Variants in GOSR1 observed in about 807,000 individuals in gnomAD.
GOSR1 encodes the protein 28 kDa Golgi SNARE protein.
A neutral mutation model predicts 35.5 loss-of-function variants in GOSR1; 21 were observed. That is an observed-to-expected ratio of 0.59 (90% CI 0.42 to 0.85). The LOEUF is 0.85. Among genes scored for constraint, GOSR1 ranks in the 40% least tolerant of loss-of-function variants. GOSR1 has a pLI of 0.00. For synonymous variants in GOSR1, 94 were observed against 106.6 expected (o/e 0.88, Z 0.73); for missense variants, 285 against 309.6 (o/e 0.92, Z 0.60).
chr17:30,523,608 C>T lies in GOSR1; in HGVS notation c.*1230C>T, dbSNP rs571910445. ...CAGCCCCCCGCCCGGCCAGCCGCCC[C>T]GTCCGGGAGGGAGGTGGGGGGCGCC... On this transcript the variant is annotated 3_prime_UTR_variant, in exon 9 of 9. Transcript: ENST00000451249. 1.1e-3 allele frequency: 167 copies of T among 156,174 alleles called. 1 individual carries two copies. The highest frequency in any genetic ancestry group is 3.6e-3 in the African/African-American group (147 of 40,660). The allele number at this position is 156,174 out of a possible 1,614,324, so 9.7% of individuals were successfully genotyped here. A position where few individuals can be genotyped will look rare whatever the true frequency, so the allele number is the denominator to read the frequency against.
chr17:30,515,691 T>C (rs532534933), intron 7 of GOSR1, among the ~76,000 whole-genome samples: 3 of 152,356 alleles, frequency 2.0e-5, no homozygotes, highest in Admixed American at 6.5e-5. Flanking sequence ...TTTAAAATCA[T>C]TGCTTGACTC....
At position 30,519,767 on chromosome 17, in the gene GOSR1, A is replaced by C. The variant is rs548089844; in HGVS notation, c.540-172A>C. The C allele has an allele frequency of 2.0e-5, 11 of 549,372 alleles. No individual in the cohort carries two copies. The South Asian group carries it at 2.7e-4, about 13-fold the overall frequency. 34.0% of individuals were successfully genotyped at this position (549,372 alleles called of 1,614,324 possible). ...ATCAGAGAACAGTGGAGTCATTTGGAAAAAGCGCAGTGGTAAAGTGGCTTC... is the reference window on the plus strand; with the variant it reads ...ATCAGAGAACAGTGGAGTCATTTGGCAAAAGCGCAGTGGTAAAGTGGCTTC... On this transcript the variant is annotated intron_variant, in intron 7 of 8. Transcript: ENST00000451249.
chr17:30,518,437 T>TAA (rs35597510), intron 7 of GOSR1, among the ~76,000 whole-genome samples: 4 of 147,808 alleles, frequency 2.7e-5, no homozygotes, highest in Non-Finnish European at 4.5e-5. Context: ...TCTCTTGATT[T>TAA]AAAAAAAAAA....
chr17:30,511,530 G>GT (rs1164978428), intron 7 of GOSR1, among the ~76,000 whole-genome samples: 4 of 106,024 alleles, frequency 3.8e-5, no homozygotes, highest in African/African-American at 9.7e-5. Context: ...ACAAACATTT[G>GT]TATTTTTTTT....
At chr17:30,512,752 G>C (rs1306682995) in intron 7 of GOSR1, among the ~76,000 whole-genome samples, 1 of 152,100 alleles carries the variant, frequency 6.6e-6, no homozygotes, top group African/African-American at 2.4e-5. Context: ...TTTACTTAAA[G>C]TTTCCCAATC....
chr17:30,510,051 C>T (rs1190595217), intron 6 of GOSR1, among the ~76,000 whole-genome samples: 1 of 152,040 alleles, frequency 6.6e-6, no homozygotes, highest in Non-Finnish European at 1.5e-5. Flanking sequence ...TTTAAGCTAA[C>T]GAAAGTGAGA....
chr17:30,490,599 T>C (rs563303431), intron 5 of GOSR1, among the ~76,000 whole-genome samples: 7 of 152,286 alleles, frequency 4.6e-5, no homozygotes, highest in Admixed American at 1.3e-4. Context: ...TATCAGTAAC[T>C]GAAGCTCCCT....
chr17:30,490,762 A>G (rs1424720197), intron 5 of GOSR1, among the ~76,000 whole-genome samples: 2 of 152,122 alleles, frequency 1.3e-5, no homozygotes, highest in East Asian at 3.8e-4. Flanking sequence ...TCAATCTATA[A>G]TTTTAAATAT....
chr17:30,502,221 G>A (rs1967236404), intron 6 of GOSR1, among the ~76,000 whole-genome samples: 1 of 152,192 alleles, frequency 6.6e-6, no homozygotes, highest in African/African-American at 2.4e-5. Context: ...AGAATGAATA[G>A]GTGAAGCACA....
At chr17:30,509,141 A>G (rs1039156170) in intron 6 of GOSR1, among the ~76,000 whole-genome samples, 7 of 152,062 alleles carry the variant, frequency 4.6e-5, no homozygotes, top group African/African-American at 1.4e-4. Context: ...ATGCCCAGCT[A>G]ATTTTTGTAT....
chr17:30,516,858 C>T (rs1967838384), intron 7 of GOSR1, among the ~76,000 whole-genome samples: 3 of 152,102 alleles, frequency 2.0e-5, no homozygotes, highest in Admixed American at 6.5e-5. Context: ...GGATTACAGG[C>T]GCTCACCACC....
intron 7 of GOSR1, among the ~76,000 whole-genome samples, chr17:30,518,406 A>G (rs1967897862): frequency 6.6e-6 from 1 of 150,540 alleles, no homozygotes; most frequent in Non-Finnish European, 1.5e-5. Flanking sequence ...TACTCTCACC[A>G]TCATCTTCCC....
At chr17:30,519,186 G>T (rs1012821560) in intron 7 of GOSR1, among the ~76,000 whole-genome samples, 1 of 151,798 alleles carries the variant, frequency 6.6e-6, no homozygotes. Flanking sequence ...TCAGCCTCCC[G>T]AGTAGCTGGG....
chr17:30,484,816 G>A (rs1597758396), intron 4 of GOSR1, 46 bp downstream of exon 4: 1 of 818,966 alleles, frequency 1.2e-6, no homozygotes. Flanking sequence ...AGGAGTTTGG[G>A]TTTTTTTTTT....
chr17:30,521,924 C>CA (rs1238638828), intron 8 of GOSR1, among the ~76,000 whole-genome samples: 3 of 152,130 alleles, frequency 2.0e-5, no homozygotes, highest in Non-Finnish European at 4.4e-5. Flanking sequence ...CATTCCTGGC[C>CA]ACGCTGGCTC....
chr17:30,483,857 A>T (rs960536138), intron 2 of GOSR1, among the ~76,000 whole-genome samples: 2 of 152,258 alleles, frequency 1.3e-5, no homozygotes. Context: ...GGATGATTGC[A>T]TACTGTAAGT....
intron 7 of GOSR1, 72 bp from the exon 8 acceptor site, chr17:30,519,867 C>T: frequency 1.1e-6 from 1 of 914,644 alleles, no homozygotes; most frequent in Non-Finnish European, 1.8e-6. Context: ...TTTTCTTTCA[C>T]TTTTAAAGGC....
At chr17:30,512,780 C>T (rs1044560657) in intron 7 of GOSR1, among the ~76,000 whole-genome samples, 10 of 151,812 alleles carry the variant, frequency 6.6e-5, no homozygotes, top group Non-Finnish European at 1.5e-4. Flanking sequence ...TTCTTTTTTC[C>T]TTTATTTCCC....
chr17:30,515,206 C>T (rs1316251920), intron 7 of GOSR1, among the ~76,000 whole-genome samples: 3 of 152,086 alleles, frequency 2.0e-5, no homozygotes, highest in African/African-American at 7.2e-5. Flanking sequence ...TGGCTTACTG[C>T]AGCCTTGACC....
Sources: gnomAD v4.1 joint callset for allele counts (sites outside exome capture counted in the v4.1 genomes callset) on GRCh38, gnomAD v4.1.1 for gene constraint, MANE v1.5 for transcripts, NCBI Gene and HGNC (gene_info 2026-07-23, HGNC 2026-07-21) for gene names.